Variants in SCN11A observed in about 807,000 individuals in gnomAD.
SCN11A encodes the protein sodium channel protein type 11 subunit alpha.
SCN11A carries 122 observed loss-of-function variants against 162.2 expected under a neutral mutation model. The ratio of observed to expected loss-of-function variants is 0.75; its 90% CI spans 0.65 to 0.87. The LOEUF (loss-of-function observed/expected upper bound fraction) is 0.87, where lower values mean the gene tolerates loss of function less well. SCN11A is among the 40% of genes least tolerant of loss of function. The pLI, the probability that SCN11A is intolerant of heterozygous loss-of-function variation, is 0.00. For missense variants in SCN11A, 2,015 were observed against 2,181.6 expected (o/e 0.92, Z 1.52); for synonymous variants, 758 against 751.5 (o/e 1.01, Z -0.14).
intron 5 of SCN11A, among the ~76,000 whole-genome samples, chr3:38,947,975 A>G (rs1465125943): frequency 6.6e-6 from 1 of 152,228 alleles, no homozygotes; most frequent in African/African-American, 2.4e-5. Flanking sequence ...CAACGTTAGC[A>G]CTGTGAGTGC....
In SCN11A at chr3:38,925,400, G is replaced by A; in HGVS notation, c.712+15C>T. On this transcript the variant is annotated intron_variant, in intron 9 of 29. Coordinates refer to ENST00000302328, the MANE Select transcript of SCN11A (RefSeq NM_001349253.2). Reference sequence around the variant, plus strand: ...TTCTAGATAGGAGCCAGTGTGGAAAGTGAGAGTGACTTACGTGAAACTACT... The same window carrying A: ...TTCTAGATAGGAGCCAGTGTGGAAAATGAGAGTGACTTACGTGAAACTACT... 6.4e-7 allele frequency: 1 copy of A among 1,556,472 alleles called. No homozygotes were observed. Among genetic ancestry groups the A allele is most frequent in the Non-Finnish European group, 8.9e-7 (1 of 1,127,598 alleles).
rs181476064 is a variant in SCN11A, at chr3:38,877,135, T to C, written c.3393+2815A>G. On this transcript the variant is annotated intron_variant, in intron 23 of 29. Coordinates refer to ENST00000302328, the MANE Select transcript of SCN11A (RefSeq NM_001349253.2). ...TATACTATATATATGGTGTATATAC[T>C]ATATATATGGTATATATATGGTGTA... Among the ~76,000 whole-genome samples, 25 of 53,842 alleles carry C rather than the reference T, an allele frequency of 4.6e-4. 1 individual carries two copies. The highest frequency in any genetic ancestry group is 1.8e-3 in the African/African-American group (25 of 13,798). 35.3% of individuals were successfully genotyped at this position (53,842 alleles called of 152,430 possible).
Position 38,897,215 on chromosome 3 carries a change from A to C in SCN11A, c.2033T>G (p.Phe678Cys). 6.2e-7 allele frequency: 1 copy of C among 1,609,344 alleles called. No individual in the cohort carries two copies. Among genetic ancestry groups the C allele is most frequent in the Non-Finnish European group, 8.5e-7 (1 of 1,177,710 alleles). The change falls in exon 18 of 30, where the codon TTC becomes TGC. Residue 678 changes from phenylalanine to cysteine, a missense_variant. Physicochemically the swap from Phe to Cys is radical, Grantham distance 205. Coordinates refer to ENST00000302328, the MANE Select transcript of SCN11A (RefSeq NM_001349253.2). ...AGTTGGCCAGGATTTGGCTAACTTG[A>C]AGACCCTGAGCTGTAGAAAAAGACA... ...FLRSFRVLRV[F>C]KLAKSWPTLN...
chr3:38,977,614 A>C (rs1238326843), intron 2 of SCN11A, among the ~76,000 whole-genome samples: 6 of 152,302 alleles, frequency 3.9e-5, no homozygotes, highest in Middle Eastern at 3.4e-3. Context: ...TTTGCTCTGC[A>C]AGTAAAGCTG....
At chr3:38,947,024 TG>T (rs1385362371) in intron 5 of SCN11A, 117 bp from the exon 6 acceptor site, 6 of 660,394 alleles carry the variant, frequency 9.1e-6, no homozygotes, top group Non-Finnish European at 2.6e-6. Context: ...CATAAACTGT[TG>T]GGCTGTGGAA....
chr3:39,038,070 A>G (rs1245956988), intron 1 of SCN11A, among the ~76,000 whole-genome samples: 1 of 152,214 alleles, frequency 6.6e-6, no homozygotes, highest in Non-Finnish European at 1.5e-5. Context: ...TCTTTGTGAG[A>G]GCTGTGAAGG....
chr3:38,892,800 A>T (rs1041188898), intron 19 of SCN11A, among the ~76,000 whole-genome samples: 2 of 152,132 alleles, frequency 1.3e-5, no homozygotes, highest in African/African-American at 4.8e-5. Context: ...TAAATCTGAG[A>T]TAGACTCTGA....
intron 2 of SCN11A, among the ~76,000 whole-genome samples, chr3:38,999,248 A>C (rs2030738425): frequency 6.6e-6 from 1 of 152,144 alleles, no homozygotes; most frequent in South Asian, 2.1e-4. Flanking sequence ...ACATGTAACC[A>C]CTTTTGATTA....
In SCN11A at chr3:38,945,506, GA is replaced by G; in HGVS notation, c.392del (p.Phe131SerfsTer45). The G allele has an allele frequency of 6.4e-7, 1 of 1,562,418 alleles. No individual in the cohort carries two copies. Among genetic ancestry groups the G allele is most frequent in the East Asian group, 2.3e-5 (1 of 43,478 alleles). ...TAACGGTGCCGATAATGAACATGCT[GA>G]ACAATGTGGCCAGCATCCATTAAGG... ...LAIRVSVHSL[F>X]SMFIIGTVII... On this transcript the variant is annotated frameshift_variant, in exon 7 of 30. Transcript: ENST00000302328. LOFTEE classifies it high-confidence loss of function.
intron 16 of SCN11A, among the ~76,000 whole-genome samples, chr3:38,902,536 G>A (rs1262211438): frequency 7.2e-6 from 1 of 138,176 alleles, no homozygotes; most frequent in Non-Finnish European, 1.5e-5. Flanking sequence ...TTTTTTTTTT[G>A]AGATGGAGTC....
chr3:38,933,804 G>A (rs2066283129), intron 7 of SCN11A, among the ~76,000 whole-genome samples: 1 of 152,200 alleles, frequency 6.6e-6, no homozygotes, highest in African/African-American at 2.4e-5. Flanking sequence ...CACTCTGCAG[G>A]ATATTATCCA....
intron 11 of SCN11A, among the ~76,000 whole-genome samples, chr3:38,914,701 T>C (rs1458426634): frequency 6.6e-6 from 1 of 152,190 alleles, no homozygotes; most frequent in Non-Finnish European, 1.5e-5. Context: ...CATGAATGGA[T>C]GTTGAGTTTA....
chr3:38,912,296 T>TC (rs758777593), intron 11 of SCN11A, among the ~76,000 whole-genome samples: 5 of 152,080 alleles, frequency 3.3e-5, no homozygotes, highest in Non-Finnish European at 5.9e-5. Context: ...ATTAAGCCTC[T>TC]CCGCCAGCAT....
chr3:38,866,143 G>T (rs1047359732), intron 27 of SCN11A, among the ~76,000 whole-genome samples: 3 of 151,432 alleles, frequency 2.0e-5, no homozygotes, highest in African/African-American at 7.3e-5. Context: ...TCCAAAGAGG[G>T]GAATGATCAG....
Position 39,041,608 on chromosome 3 carries a change from T to C in SCN11A, c.-403-9105A>G, listed in dbSNP as rs1475776844. On this transcript the variant is annotated intron_variant, in intron 1 of 29. Transcript: ENST00000302328. The stretch of plus-strand genomic sequence containing the variant: ...GCAAGAATATCAAACCCAATAAAAC[T>C]GCCCTTCAGAAATGAGGAAGAAATA... Among the ~76,000 whole-genome samples, 3 of 152,236 alleles carry C rather than the reference T, an allele frequency of 2.0e-5. No individual in the cohort carries two copies. In the East Asian group the frequency reaches 5.8e-4, roughly 29 times the overall value.
chr3:39,012,195 C>G (rs2125603041), intron 2 of SCN11A, among the ~76,000 whole-genome samples: 1 of 152,132 alleles, frequency 6.6e-6, no homozygotes, highest in African/African-American at 2.4e-5. Context: ...CATGGTGGCT[C>G]ATGCCTGTAA....
chr3:38,899,787 A>G (rs1187322280), intron 17 of SCN11A, 107 bp downstream of exon 17: 22 of 853,770 alleles, frequency 2.6e-5, no homozygotes, highest in South Asian at 7.1e-5. Flanking sequence ...TCTGGGGTTA[A>G]GGTAAGATAA....
chr3:38,858,113 A>T (rs879877872), intron 28 of SCN11A, among the ~76,000 whole-genome samples: 3 of 152,186 alleles, frequency 2.0e-5, no homozygotes, highest in Admixed American at 1.3e-4. Context: ...ACATAATTTT[A>T]AAAAACCCAA....
chr3:38,990,399 G>T (rs191460816), intron 2 of SCN11A, among the ~76,000 whole-genome samples: 24 of 152,324 alleles, frequency 1.6e-4, no homozygotes, highest in African/African-American at 5.3e-4. Context: ...GCACAAAGGA[G>T]TGAAAGGCAT....
Sources: gnomAD v4.1 joint callset for allele counts (sites outside exome capture counted in the v4.1 genomes callset) on GRCh38, gnomAD v4.1.1 for gene constraint, MANE v1.5 for transcripts, NCBI Gene and HGNC (gene_info 2026-07-23, HGNC 2026-07-21) for gene names.